TMPRSS6: variants seen among roughly 807,000 people sequenced by gnomAD.
TMPRSS6 encodes transmembrane protease serine 6.
A neutral mutation model predicts 101.5 loss-of-function variants in TMPRSS6; 67 were observed. The ratio of observed to expected loss-of-function variants is 0.66; its 90% CI spans 0.54 to 0.81. TMPRSS6 has a LOEUF of 0.81. Ranked by LOEUF, TMPRSS6 falls within the 30% of genes least tolerant of loss-of-function variation. The pLI, the probability that TMPRSS6 is intolerant of heterozygous loss-of-function variation, is 0.00. For missense variants in TMPRSS6, 1,034 were observed against 1,088.7 expected, an observed-to-expected ratio of 0.95 and a Z score of 0.71; for synonymous variants, 453 against 464.9, an observed-to-expected ratio of 0.97 and a Z score of 0.33.
intron 3 of TMPRSS6, 96 bp from the exon 4 acceptor site, chr22:37,096,811 C>T (rs969399439): frequency 1.4e-5 from 17 of 1,201,204 alleles, no homozygotes; most frequent in Admixed American, 5.9e-5. Context: ...CTGGCAGCCC[C>T]GCTCCATGCA....
At chr22:37,075,366 G>C (rs942582321) in intron 10 of TMPRSS6, 86 bp from the exon 11 acceptor site, 5 of 1,573,626 alleles carry the variant, frequency 3.2e-6, no homozygotes, top group Non-Finnish European at 4.3e-6. Context: ...GGCAGCCAGA[G>C]GGGCAGGGGG....
Position 37,098,469 on chromosome 22 carries a change from T to C in TMPRSS6, c.283A>G (p.Thr95Ala), listed in dbSNP as rs747592521. The C allele has an allele frequency of 1.2e-6, 2 of 1,613,184 alleles. No individual in the cohort carries two copies. The highest frequency in any genetic ancestry group is 1.1e-5 in the South Asian group (1 of 91,052). Residue 95 changes from threonine (T) to alanine (A), a missense_variant, in exon 3 of 18, where the codon ACC becomes GCC. Thr to Ala is a moderately conservative substitution (Grantham distance 58). Transcript: ENST00000676104. ...CGGAAGGCACTAGATTCCCGGCGGG[T>C]AAGATCCTGGGAGAAGTGGCGATTG... is the stretch of plus-strand genomic sequence containing the variant. The part of the protein sequence containing the change: ...VLNRHFSQDL[T>A]RRESSAFRSE...
rs758174870 is a variant in TMPRSS6 at position 37,084,331 on chromosome 22, G to A, written c.1160C>T (p.Pro387Leu). Residue 387 changes from proline (P) to leucine (L), a missense_variant, in exon 10 of 18, where the codon CCG (proline) becomes CTG (leucine). Transcript: ENST00000676104. ...GATCGTCCACTGGCCCTGGGTGCACGGCAAATCATACTTCTGCCTCCTCAG... is the reference window on the plus strand; with the variant it reads ...GATCGTCCACTGGCCCTGGGTGCACAGCAAATCATACTTCTGCCTCCTCAG... Reference protein sequence around the residue: ...YALRRQKYDLPCTQGQWTIQN... With the variant: ...YALRRQKYDLLCTQGQWTIQN... 43 of 1,613,610 alleles carry A rather than the reference G, an allele frequency of 2.7e-5. No homozygotes were observed. Among genetic ancestry groups the A allele is most frequent in the South Asian group, 1.2e-4 (11 of 90,960 alleles).
At position 37,073,582 on chromosome 22, in the gene TMPRSS6, T is replaced by C. The variant is rs956513690; in HGVS notation, c.1505A>G (p.Asp502Gly). 1.2e-6 allele frequency: 2 copies of C among 1,614,006 alleles called. No individual in the cohort carries two copies. The highest frequency in any genetic ancestry group is 1.7e-6 in the Non-Finnish European group (2 of 1,179,994). Residue 502 changes from aspartate (D) to glycine (G), a missense_variant, in exon 13 of 18, where the codon GAT becomes GGT. Coordinates refer to ENST00000676104, the MANE Select transcript of TMPRSS6 (RefSeq NM_001374504.1). ...STCISLPKVC[D>G]GQPDCLNGSD... ...GCCGTTGAGACAATCAGGCTGCCCATCACAGACCTTGGGCAGTGAGATGCA... is the reference window on the plus strand; with the variant it reads ...GCCGTTGAGACAATCAGGCTGCCCACCACAGACCTTGGGCAGTGAGATGCA...
chr22:37,080,352 C>G (rs931265980), intron 10 of TMPRSS6: 4 of 152,306 alleles, frequency 2.6e-5, no homozygotes, highest in African/African-American at 9.6e-5. Context: ...ACCAGGCCAG[C>G]CTTTCCTCAT....
Position 37,101,244 on chromosome 22 carries a change from T to C in TMPRSS6, c.202+1972A>G, listed in dbSNP as rs909245618. 2.6e-5 allele frequency among the ~76,000 whole-genome samples: 4 copies of C among 151,872 alleles called. No homozygotes were observed. Among genetic ancestry groups the C allele is most frequent in the Admixed American group, 2.0e-4 (3 of 15,260 alleles). ...AGCTGGGAGGGCAGGTGGGCCAACA[T>C]ATATGGGGCTTCTCTTCTAAGCTGT... is the stretch of plus-strand genomic sequence containing the variant. On this transcript the variant is annotated intron_variant, in intron 2 of 17. Transcript: ENST00000676104. The surrounding 1 kb of genome is among the most constrained non-coding windows in gnomAD (Gnocchi z 4.1).
At chr22:37,074,549 A>T in intron 12 of TMPRSS6, 61 bp downstream of exon 12, 1 of 1,500,116 alleles carries the variant, frequency 6.7e-7, no homozygotes, top group Non-Finnish European at 9.2e-7. Flanking sequence ...TCAGAGCAGG[A>T]AAGGTGAGGA....
intron 16 of TMPRSS6, 77 bp from the exon 17 acceptor site, chr22:37,067,039 C>T (rs976014889): frequency 1.0e-5 from 16 of 1,598,246 alleles, no homozygotes; most frequent in Non-Finnish European, 1.4e-5. Context: ...ACATTATTCC[C>T]TTTGCATCTC....
At chr22:37,099,386 C>T (rs573671939) in intron 2 of TMPRSS6, among the ~76,000 whole-genome samples, 3 of 152,268 alleles carry the variant, frequency 2.0e-5, no homozygotes, top group South Asian at 2.1e-4. Flanking sequence ...GGTCTTTACC[C>T]GATGAACAAG....
intron 10 of TMPRSS6, among the ~76,000 whole-genome samples, chr22:37,076,491 C>A (rs1365242790): frequency 6.6e-6 from 1 of 152,148 alleles, no homozygotes; most frequent in Non-Finnish European, 1.5e-5. Flanking sequence ...GTGGGGGAAT[C>A]TCCAGAGAGG....
upstream of TMPRSS6, among the ~76,000 whole-genome samples, chr22:37,110,387 A>G (rs1413245607): frequency 6.6e-6 from 1 of 151,326 alleles, no homozygotes; most frequent in Non-Finnish European, 1.5e-5. Flanking sequence ...AAGTGATTCC[A>G]CCCACCTCGA....
chr22:37,070,884 C>A (rs1366411513), intron 14 of TMPRSS6, 32 bp downstream of exon 14: 1 of 1,604,772 alleles, frequency 6.2e-7, no homozygotes, highest in Admixed American at 1.7e-5. Flanking sequence ...CCCTCCCAAG[C>A]TCCAGGGCCC....
chr22:37,099,014 G>GA (rs1421419568), intron 2 of TMPRSS6, among the ~76,000 whole-genome samples: 3 of 152,220 alleles, frequency 2.0e-5, no homozygotes, highest in Admixed American at 6.5e-5. Context: ...CTCCCCTTGT[G>GA]AAGCTGACAG....
chr22:37,084,422 GCCATCAGGTGGC>G lies in TMPRSS6; in HGVS notation c.1087-30_1087-19del. 1 of 1,592,020 alleles carries G rather than the reference GCCATCAGGTGGC, an allele frequency of 6.3e-7. No homozygotes were observed. The highest frequency in any genetic ancestry group is 1.7e-5 in the Admixed American group (1 of 58,480). On this transcript the variant is annotated intron_variant, in intron 9 of 17. Transcript: ENST00000676104. ...GAGGGCACCTGGGAGGGAGGAGCGG[GCCATCAGGTGGC>G]CCATGGGGTGTGGCCAGGTTGGTGA... is the stretch of plus-strand genomic sequence containing the variant.
intron 15 of TMPRSS6, among the ~76,000 whole-genome samples, chr22:37,070,075 TG>T (rs1029427699): frequency 1.2e-4 from 19 of 152,184 alleles, no homozygotes; most frequent in African/African-American, 4.3e-4. Context: ...AGATGTCCCC[TG>T]GGGGCTCCCC....
chr22:37,098,397 C>T lies in TMPRSS6; in HGVS notation c.336+19G>A. 1 of 1,613,812 alleles carries T rather than the reference C, an allele frequency of 6.2e-7. No individual in the cohort carries two copies. Among genetic ancestry groups the T allele is most frequent in the Non-Finnish European group, 8.5e-7 (1 of 1,179,898 alleles). ...CACCCCCATATTCCCTCCCTCTCAT[C>T]CCCCAGATCCTTTCCTACCATCTTC... On this transcript the variant is annotated intron_variant, in intron 3 of 17. Coordinates refer to ENST00000676104, the MANE Select transcript of TMPRSS6 (RefSeq NM_001374504.1).
Position 37,101,525 on chromosome 22 carries a change from G to A in TMPRSS6, c.202+1691C>T, listed in dbSNP as rs141519960. Among the ~76,000 whole-genome samples the A allele has an allele frequency of 6.0e-4, 92 of 152,198 alleles. 1 individual carries two copies. Among genetic ancestry groups the A allele is most frequent in the African/African-American group, 1.9e-3 (79 of 41,502 alleles). ...CCTCCTCTTCCAGACAGGGCAGGGC[G>A]TGTCTCTGATCCACTTCCTTGCCCA... On this transcript the variant is annotated intron_variant, in intron 2 of 17. Transcript: ENST00000676104. The surrounding 1 kb of genome is among the most constrained non-coding windows in gnomAD (Gnocchi z 4.1).
At chr22:37,110,284 C>G (rs1376138565), upstream of TMPRSS6, among the ~76,000 whole-genome samples, 1 of 151,926 alleles carries the variant, frequency 6.6e-6, no homozygotes, top group African/African-American at 2.4e-5. Flanking sequence ...GCTGGGATTA[C>G]AGCGCCCACC....
chr22:37,067,006 G>T, intron 16 of TMPRSS6, 44 bp from the exon 17 acceptor site: 1 of 1,613,430 alleles, frequency 6.2e-7, no homozygotes, highest in Non-Finnish European at 8.5e-7. Context: ...GGAGCCTGGA[G>T]CCCCTGTTCT....
Sources: allele counts gnomAD v4.1 joint callset (sites outside exome capture counted in the v4.1 genomes callset), GRCh38; gene constraint gnomAD v4.1.1; non-coding constraint Gnocchi (gnomAD v3.1); transcripts MANE v1.5; gene names NCBI Gene and HGNC (gene_info 2026-07-23, HGNC 2026-07-21).